Variants in USH2A observed in about 807,000 individuals in gnomAD.
USH2A encodes the protein usherin.
USH2A carries 443 observed loss-of-function variants against 538.9 expected under a neutral mutation model. That is an observed-to-expected ratio of 0.82 (90% CI 0.76 to 0.89). The LOEUF is 0.89. Among genes scored for constraint, USH2A ranks in the 40% least tolerant of loss-of-function variants. The pLI, the probability that USH2A is intolerant of heterozygous loss-of-function variation, is 0.00. For synonymous variants in USH2A, 2,413 were observed against 2,273.5 expected (o/e 1.06, Z -1.75); for missense variants, 6,633 against 6,324.8 (o/e 1.05, Z -1.65).
At chr1:216,281,391 CA>C (rs1010444617) in intron 11 of USH2A, among the ~76,000 whole-genome samples, 2 of 151,704 alleles carry the variant, frequency 1.3e-5, no homozygotes, top group Non-Finnish European at 2.9e-5. Context: ...TTTTTAAAAC[CA>C]AAAAAGTTAA....
At chr1:216,256,024 A>G (rs933485776) in intron 11 of USH2A, among the ~76,000 whole-genome samples, 1 of 152,070 alleles carries the variant, frequency 6.6e-6, no homozygotes, top group African/African-American at 2.4e-5. Context: ...ATTTCTAAAA[A>G]TTCATGTTTT....
intron 38 of USH2A, among the ~76,000 whole-genome samples, chr1:215,927,936 T>A (rs1213311641): frequency 6.6e-6 from 1 of 152,068 alleles, no homozygotes; most frequent in African/African-American, 2.4e-5. Context: ...AATTAAACCC[T>A]AAATGTTGAA....
At chr1:216,186,093 T>C (rs976953619) in intron 20 of USH2A, among the ~76,000 whole-genome samples, 1 of 151,604 alleles carries the variant, frequency 6.6e-6, no homozygotes, top group Non-Finnish European at 1.5e-5. Flanking sequence ...AAAATAAACA[T>C]TTTTTCCAGA....
At chr1:216,382,854 A>G (rs1210182211) in intron 3 of USH2A, among the ~76,000 whole-genome samples, 1 of 152,198 alleles carries the variant, frequency 6.6e-6, no homozygotes, top group Non-Finnish European at 1.5e-5. Context: ...TCTTGGACAT[A>G]AAAGGAATAA....
intron 61 of USH2A, among the ~76,000 whole-genome samples, chr1:215,725,202 G>T (rs1181949630): frequency 6.6e-6 from 1 of 152,052 alleles, no homozygotes; most frequent in African/African-American, 2.4e-5. Context: ...TACAGACAAG[G>T]TTTCACCATG....
At chr1:215,647,359 G>A (rs556658554) in intron 67 of USH2A, among the ~76,000 whole-genome samples, 163 bp downstream of exon 67, 1 of 152,060 alleles carries the variant, frequency 6.6e-6, no homozygotes, top group Non-Finnish European at 1.5e-5. Flanking sequence ...AATCCAGTAG[G>A]CATTTTTCCT....
At chr1:216,244,777 A>G (rs915370975) in intron 13 of USH2A, among the ~76,000 whole-genome samples, 4 of 152,180 alleles carry the variant, frequency 2.6e-5, no homozygotes, top group African/African-American at 9.7e-5. Context: ...CTTTCATTGG[A>G]AGGACCAAAG....
At chr1:215,760,812 C>T (rs1003767728) in intron 56 of USH2A, among the ~76,000 whole-genome samples, 8 of 152,186 alleles carry the variant, frequency 5.3e-5, no homozygotes, top group South Asian at 2.1e-4. Context: ...GTCCAAGCCA[C>T]GTTTCTCTCT....
intron 47 of USH2A, among the ~76,000 whole-genome samples, chr1:215,835,431 A>G (rs1218013873): frequency 6.6e-6 from 1 of 152,110 alleles, no homozygotes; most frequent in East Asian, 1.9e-4. Flanking sequence ...AAAGCCCACC[A>G]TTCAGGTTGT....
intron 21 of USH2A, among the ~76,000 whole-genome samples, chr1:216,097,882 T>A (rs555102452): frequency 6.6e-6 from 1 of 151,302 alleles, no homozygotes; most frequent in Non-Finnish European, 1.5e-5. Context: ...CCATTACATG[T>A]CCCCATCTCC....
chr1:216,372,640 C>A (rs895339264), intron 3 of USH2A, among the ~76,000 whole-genome samples: 1 of 152,038 alleles, frequency 6.6e-6, no homozygotes, highest in South Asian at 2.1e-4. Flanking sequence ...ATTTAGATTA[C>A]TCTCTTCTCT....
At chr1:215,956,262 G>A (rs1667067364) in intron 37 of USH2A, among the ~76,000 whole-genome samples, 1 of 152,096 alleles carries the variant, frequency 6.6e-6, no homozygotes, top group Admixed American at 6.6e-5. Flanking sequence ...CACAACTATA[G>A]GTAAACATTA....
intron 19 of USH2A, among the ~76,000 whole-genome samples, chr1:216,191,380 T>C (rs1194020054): frequency 6.6e-6 from 1 of 152,012 alleles, no homozygotes; most frequent in Non-Finnish European, 1.5e-5. Context: ...TGCCTAGGTG[T>C]TGACTTTAAA....
intron 50 of USH2A, among the ~76,000 whole-genome samples, chr1:215,794,784 C>T (rs934154121): frequency 3.9e-5 from 6 of 151,982 alleles, no homozygotes; most frequent in East Asian, 3.9e-4. Flanking sequence ...GACTGGCATG[C>T]GACATCATCT....
chr1:216,093,467 G>A (rs2032354146), intron 22 of USH2A, among the ~76,000 whole-genome samples: 1 of 152,088 alleles, frequency 6.6e-6, no homozygotes, highest in Non-Finnish European at 1.5e-5. Context: ...CTGTTACCAC[G>A]CTTTGCACCA....
chr1:216,093,883 A>G (rs765791175), intron 22 of USH2A, among the ~76,000 whole-genome samples: 67 of 152,214 alleles, frequency 4.4e-4, no homozygotes, highest in Non-Finnish European at 7.9e-4. Context: ...CAAATAATTG[A>G]ATTCAGTGCT....
chr1:215,935,518 C>T (rs1304981571), intron 37 of USH2A, among the ~76,000 whole-genome samples: 1 of 151,970 alleles, frequency 6.6e-6, no homozygotes, highest in Non-Finnish European at 1.5e-5. Flanking sequence ...TCACCCTGGT[C>T]CCAACACCAC....
At chr1:216,013,255 C>T (rs1329644620) in intron 32 of USH2A, among the ~76,000 whole-genome samples, 1 of 148,694 alleles carries the variant, frequency 6.7e-6, no homozygotes, top group Non-Finnish European at 1.5e-5. Flanking sequence ...TTCTAACAAC[C>T]CCACAATATC....
intron 32 of USH2A, among the ~76,000 whole-genome samples, chr1:216,032,253 T>G (rs1238489810): frequency 1.3e-5 from 2 of 152,176 alleles, no homozygotes; most frequent in Non-Finnish European, 2.9e-5. Flanking sequence ...ATAACAATAA[T>G]TTCCTTATTT....
Sources: gnomAD v4.1 joint callset for allele counts (sites outside exome capture counted in the v4.1 genomes callset) on GRCh38, gnomAD v4.1.1 for gene constraint, MANE v1.5 for transcripts, NCBI Gene and HGNC (gene_info 2026-07-23, HGNC 2026-07-21) for gene names.